KANSL1L: variants seen among roughly 807,000 people sequenced by gnomAD.
The protein encoded by KANSL1L is KAT8 regulatory NSL complex subunit 1 like.
In KANSL1L, 25 loss-of-function variants were observed where a neutral mutation model predicts 108.6. That is an observed-to-expected ratio of 0.23 (90% CI 0.17 to 0.32). The LOEUF (loss-of-function observed/expected upper bound fraction) is 0.32, where lower values mean the gene tolerates loss of function less well. Ranked by LOEUF, KANSL1L falls within the 10% of genes least tolerant of loss-of-function variation. The pLI is 1.00. For synonymous variants in KANSL1L, 405 were observed against 395.1 expected, an observed-to-expected ratio of 1.03 and a Z score of -0.30; for missense variants, 1,137 against 1,125.7, an observed-to-expected ratio of 1.01 and a Z score of -0.14.
At chr2:210,128,988 T>C (rs1478660402) in intron 3 of KANSL1L, 43 bp downstream of exon 3, 2 of 1,496,460 alleles carry the variant, frequency 1.3e-6, no homozygotes, top group Non-Finnish European at 1.8e-6. Flanking sequence ...ATGAAAACAT[T>C]AACAATTTTT....
chr2:210,024,230 A>ATTTT (rs2093902503), intron 13 of KANSL1L, 29 bp from the exon 14 acceptor site: 1 of 1,502,312 alleles, frequency 6.7e-7, no homozygotes, highest in Non-Finnish European at 8.9e-7. Context: ...AAACACAATT[A>ATTTT]TTTTTTATTT....
chr2:210,127,712 T>C (rs1043449537), intron 3 of KANSL1L, among the ~76,000 whole-genome samples: 8 of 145,856 alleles, frequency 5.5e-5, no homozygotes, highest in Non-Finnish European at 8.9e-5. Context: ...GGTGGAAGGA[T>C]TGCTTGAGCC....
chr2:210,099,655 C>G (rs7598431), intron 4 of KANSL1L, among the ~76,000 whole-genome samples: 1 of 152,124 alleles, frequency 6.6e-6, no homozygotes, highest in African/African-American at 2.4e-5. Context: ...GTTGGAAACA[C>G]TAAAACATTC....
chr2:210,134,981 A>T (rs1338760274), intron 2 of KANSL1L, among the ~76,000 whole-genome samples: 1 of 152,158 alleles, frequency 6.6e-6, no homozygotes, highest in African/African-American at 2.4e-5. Flanking sequence ...AAGGTCAGGG[A>T]CTATGAAGGA....
At chr2:210,127,270 T>C (rs770317512) in intron 3 of KANSL1L, among the ~76,000 whole-genome samples, 1 of 152,138 alleles carries the variant, frequency 6.6e-6, no homozygotes, top group Non-Finnish European at 1.5e-5. Flanking sequence ...GACCCTTACC[T>C]AACACCACAC....
Position 210,154,285 on chromosome 2 carries a change from T to C in KANSL1L, c.298A>G (p.Lys100Glu). The C allele has an allele frequency of 6.2e-7, 1 of 1,613,640 alleles. No individual in the cohort carries two copies. The highest frequency in any genetic ancestry group is 8.5e-7 in the Non-Finnish European group (1 of 1,179,666). The change falls in exon 2 of 15, where the codon AAA (lysine) becomes GAA (glutamate). Residue 100 changes from lysine (K) to glutamate (E), a missense_variant. By Grantham distance (56) the Lys-to-Glu change is moderately conservative (BLOSUM62 1). This residue lies in a region of KANSL1L where 556 missense variants were observed against 537.7 expected (regional missense o/e 1.03). Transcript: ENST00000281772. ...TTATTGCAACTGGGCTCCCCTAATT[T>C]CTTTTGTTTATAATTCTCATTGTGT... Reference protein sequence around the residue: ...NKHNENYKQKKLGEPSCNKLK... With the variant: ...NKHNENYKQKELGEPSCNKLK...
chr2:210,162,793 A>G (rs535963271), intron 1 of KANSL1L, among the ~76,000 whole-genome samples: 1 of 152,198 alleles, frequency 6.6e-6, no homozygotes, highest in Non-Finnish European at 1.5e-5. Flanking sequence ...AGTGTATAAC[A>G]TGGTCAGTTC....
At chr2:210,133,968 G>C (rs1178572850) in intron 2 of KANSL1L, among the ~76,000 whole-genome samples, 1 of 151,964 alleles carries the variant, frequency 6.6e-6, no homozygotes, top group African/African-American at 2.4e-5. Flanking sequence ...CGTGTATACT[G>C]ACAACTTCTC....
At chr2:210,104,355 A>G in intron 3 of KANSL1L, 54 bp from the exon 4 acceptor site, 3 of 1,266,676 alleles carry the variant, frequency 2.4e-6, no homozygotes, top group Non-Finnish European at 3.4e-6. Context: ...TTATTAAGCC[A>G]CCTTTAATGC....
intron 2 of KANSL1L, among the ~76,000 whole-genome samples, chr2:210,140,487 GCTCT>G (rs1484331069): frequency 2.0e-5 from 3 of 152,062 alleles, no homozygotes; most frequent in Non-Finnish European, 4.4e-5. Flanking sequence ...TTATTTCTAG[GCTCT>G]CTATTCTGTT....
intron 6 of KANSL1L, among the ~76,000 whole-genome samples, chr2:210,072,797 C>T (rs979735833): frequency 6.6e-6 from 1 of 152,018 alleles, no homozygotes; most frequent in East Asian, 1.9e-4. Context: ...GACTGGGGAC[C>T]CCTGCTTTAA....
intron 3 of KANSL1L, among the ~76,000 whole-genome samples, chr2:210,118,164 C>A (rs2125494289): frequency 2.0e-5 from 2 of 99,182 alleles, no homozygotes; most frequent in East Asian, 3.1e-4. Context: ...GAAACTCCAT[C>A]TCAAAAAAAA....
At chr2:210,161,588 A>C (rs1032121221) in intron 1 of KANSL1L, among the ~76,000 whole-genome samples, 5 of 152,182 alleles carry the variant, frequency 3.3e-5, no homozygotes, top group African/African-American at 1.2e-4. Context: ...CTAAAAATTA[A>C]ATACTAAATA....
At chr2:210,121,635 C>G (rs941717450) in intron 3 of KANSL1L, among the ~76,000 whole-genome samples, 1 of 151,948 alleles carries the variant, frequency 6.6e-6, no homozygotes, top group African/African-American at 2.4e-5. Context: ...CACTTGTACC[C>G]CTGAACTTAA....
chr2:210,103,447 T>C (rs1384405069), intron 4 of KANSL1L, among the ~76,000 whole-genome samples: 2 of 152,142 alleles, frequency 1.3e-5, no homozygotes, highest in Non-Finnish European at 2.9e-5. Context: ...TGTGCACATG[T>C]ACCCTAGAAC....
intron 5 of KANSL1L, among the ~76,000 whole-genome samples, chr2:210,081,135 C>T (rs572998457): frequency 4.6e-5 from 7 of 151,998 alleles, no homozygotes; most frequent in African/African-American, 1.4e-4. Context: ...AACAAAAAAA[C>T]ACCTGCTTGT....
At chr2:210,030,535 C>CTTTTTTTTTTT (rs2094003020) in intron 9 of KANSL1L, among the ~76,000 whole-genome samples, 1 of 142,928 alleles carries the variant, frequency 7.0e-6, no homozygotes, top group Non-Finnish European at 1.5e-5. Context: ...TTCCCAGTTA[C>CTTTTTTTTTTT]TGTGTGTGTG....
At chr2:210,161,822 T>A (rs1450418907) in intron 1 of KANSL1L, among the ~76,000 whole-genome samples, 1 of 151,972 alleles carries the variant, frequency 6.6e-6, no homozygotes, top group Non-Finnish European at 1.5e-5. Flanking sequence ...TAGTAAACAA[T>A]TTGTTCAAGG....
chr2:210,090,109 T>C (rs1187797562), intron 5 of KANSL1L, among the ~76,000 whole-genome samples: 1 of 152,194 alleles, frequency 6.6e-6, no homozygotes, highest in African/African-American at 2.4e-5. Flanking sequence ...TATCTAAAAG[T>C]TTAATATACT....
Sources: allele counts gnomAD v4.1 joint callset (sites outside exome capture counted in the v4.1 genomes callset), GRCh38; gene constraint gnomAD v4.1.1; regional missense constraint gnomAD v4.1.1; transcripts MANE v1.5; gene names NCBI Gene and HGNC (gene_info 2026-07-23, HGNC 2026-07-21).